The following CSMD1 variants were observed in gnomAD, a reference collection of about 807,000 sequenced individuals.
CSMD1 encodes the protein CUB and Sushi multiple domains 1.
CSMD1 carries 213 observed loss-of-function variants against 417.5 expected under a neutral mutation model. That is an observed-to-expected ratio of 0.51 (90% confidence interval 0.46 to 0.57). CSMD1 has a LOEUF of 0.57. Among genes scored for constraint, CSMD1 ranks in the 20% least tolerant of loss-of-function variants. CSMD1 has a pLI of 0.00. For missense variants in CSMD1, 6,923 were observed against 4,529.7 expected, an observed-to-expected ratio of 1.53 and a Z score of -15.17; for synonymous variants, 2,862 against 1,736.8, an observed-to-expected ratio of 1.65 and a Z score of -16.11.
intron 38 of CSMD1, among the ~76,000 whole-genome samples, chr8:3,158,477 C>A (rs1415163149): frequency 6.6e-6 from 1 of 152,122 alleles, no homozygotes; most frequent in East Asian, 1.9e-4. Flanking sequence ...TTCTTTATCA[C>A]AGAACGGAGA....
At chr8:4,066,834 C>G (rs1340897822) in intron 3 of CSMD1, among the ~76,000 whole-genome samples, 1 of 152,224 alleles carries the variant, frequency 6.6e-6, no homozygotes, top group African/African-American at 2.4e-5. Context: ...CACCCACTCA[C>G]AAACACACAC....
In CSMD1 at chr8:3,015,944, G is replaced by C. The variant is rs536759135; in HGVS notation, c.8029+2533C>G. On this transcript the variant is annotated intron_variant, in intron 52 of 69. Coordinates refer to ENST00000635120, the MANE Select transcript of CSMD1 (RefSeq NM_033225.6). ...CCTGCCCCTTGCATGCGCCTCCAGA[G>C]GGGACTAATCCAGGTTCCAGAGCTC... 2.0e-5 allele frequency among the ~76,000 whole-genome samples: 3 copies of C among 152,238 alleles called. No individual in the cohort carries two copies. The South Asian group carries it at 6.2e-4, about 32-fold the overall frequency.
intron 2 of CSMD1, among the ~76,000 whole-genome samples, chr8:4,558,752 C>T (rs1200419470): frequency 6.6e-6 from 1 of 152,148 alleles, no homozygotes; most frequent in Non-Finnish European, 1.5e-5. Context: ...CCTGTAATCC[C>T]AGCTACTCCG....
rs188103736 is a variant in CSMD1, at chr8:4,726,229, C to G, written c.86-88671G>C. On this transcript the variant is annotated intron_variant, in intron 1 of 69. Transcript: ENST00000635120. ...GTGGCTTCATCACCCATATTAGGGT[C>G]AGAAAAACTCTTGTGTGTTTCTACA... Among the ~76,000 whole-genome samples the G allele has an allele frequency of 6.4e-3, 968 of 151,984 alleles. 12 individuals carry two copies. Among genetic ancestry groups the G allele is most frequent in the African/African-American group, 0.022 (904 of 41,450 alleles).
At chr8:3,710,661 G>C (rs1160014733) in intron 6 of CSMD1, among the ~76,000 whole-genome samples, 1 of 152,076 alleles carries the variant, frequency 6.6e-6, no homozygotes, top group African/African-American at 2.4e-5. Flanking sequence ...CTACCCCTCA[G>C]AGTCCCTGAA....
At chr8:4,978,403 T>G (rs1810689008) in intron 1 of CSMD1, among the ~76,000 whole-genome samples, 1 of 152,142 alleles carries the variant, frequency 6.6e-6, no homozygotes, top group East Asian at 1.9e-4. Flanking sequence ...CCTCTATGTT[T>G]AGTTTGGGTG....
intron 49 of CSMD1, among the ~76,000 whole-genome samples, chr8:3,067,119 G>T (rs1205213804): frequency 6.6e-6 from 1 of 152,116 alleles, no homozygotes; most frequent in African/African-American, 2.4e-5. Flanking sequence ...TCAGTCTACG[G>T]AATGAATGGA....
rs1174092067 is a variant in CSMD1 at position 4,236,051 on chromosome 8, T to C, written c.415+183902A>G. 1.1e-4 allele frequency among the ~76,000 whole-genome samples: 5 copies of C among 44,336 alleles called. 1 individual carries two copies. Among genetic ancestry groups the C allele is most frequent in the Admixed American group, 5.2e-4 (3 of 5,780 alleles). The allele number at this position is 44,336 out of a possible 152,430, so 29.1% of individuals were successfully genotyped here. On this transcript the variant is annotated intron_variant, in intron 3 of 69. Transcript: ENST00000635120. Reference sequence around the variant, plus strand: ...GTTTTTTTTGTTTGTTTTTTTTTTTTTTTTTTTTTTTTTTTTTTGTAATTT... The same window carrying C: ...GTTTTTTTTGTTTGTTTTTTTTTTTCTTTTTTTTTTTTTTTTTTGTAATTT...
chr8:3,289,234 C>G lies in CSMD1; in HGVS notation c.3951-4888G>C, dbSNP rs186754987. On this transcript the variant is annotated intron_variant, in intron 25 of 69. Coordinates refer to ENST00000635120, the MANE Select transcript of CSMD1 (RefSeq NM_033225.6). Reference sequence around the variant, plus strand: ...CTTAATCCAGTCTATCGTTGTTGGACATTTAGGTTGGTTCCACGTCTTTGC... The same window carrying G: ...CTTAATCCAGTCTATCGTTGTTGGAGATTTAGGTTGGTTCCACGTCTTTGC... Among the ~76,000 whole-genome samples, 232 of 147,346 alleles carry G rather than the reference C, an allele frequency of 1.6e-3. 8 individuals carry two copies. The highest frequency in any genetic ancestry group is 3.4e-3 in the Middle Eastern group (1 of 294).
Position 4,409,634 on chromosome 8 carries a change from CT to C in CSMD1, c.415+10318del, listed in dbSNP as rs201131346. 1.1e-3 allele frequency among the ~76,000 whole-genome samples: 86 copies of C among 80,400 alleles called. 1 individual carries two copies. In the East Asian group the frequency reaches 0.012, roughly 11 times the overall value. 52.7% of individuals were successfully genotyped at this position (80,400 alleles called of 152,430 possible). Reference sequence around the variant, plus strand: ...AGAGTATAGATTCATCATTATTTGACTTTTTTTCTTTTTTTTTTTTTTTTTT... The same window carrying C: ...AGAGTATAGATTCATCATTATTTGACTTTTTTCTTTTTTTTTTTTTTTTTT... On this transcript the variant is annotated intron_variant, in intron 3 of 69. Transcript: ENST00000635120.
At chr8:4,139,725 C>G (rs1016046033) in intron 3 of CSMD1, among the ~76,000 whole-genome samples, 4 of 151,086 alleles carry the variant, frequency 2.6e-5, no homozygotes. Context: ...CCGAGTGATG[C>G]TTGAGTAGAT....
chr8:4,670,949 TCA>T (rs1805281252), intron 1 of CSMD1, among the ~76,000 whole-genome samples: 1 of 152,172 alleles, frequency 6.6e-6, no homozygotes, highest in Admixed American at 6.5e-5. Context: ...TAACAAACAG[TCA>T]TATGACATCC....
chr8:4,838,602 T>C (rs1024684422), intron 1 of CSMD1, among the ~76,000 whole-genome samples: 4 of 152,242 alleles, frequency 2.6e-5, no homozygotes, highest in African/African-American at 4.8e-5. Context: ...AATCAGTTTG[T>C]GCTTTGGCAG....
chr8:3,316,398 T>G (rs1199266051), intron 23 of CSMD1, among the ~76,000 whole-genome samples: 1 of 152,204 alleles, frequency 6.6e-6, no homozygotes, highest in Non-Finnish European at 1.5e-5. Flanking sequence ...GGCTCCTATC[T>G]TCCCCTGTCT....
intron 50 of CSMD1, among the ~76,000 whole-genome samples, chr8:3,041,365 C>A (rs563308751): frequency 1.3e-5 from 2 of 152,060 alleles, no homozygotes; most frequent in Admixed American, 6.6e-5. Flanking sequence ...ATTACTTGTT[C>A]TCTGATCCCA....
At chr8:4,010,134 C>T (rs376415339) in intron 4 of CSMD1, among the ~76,000 whole-genome samples, 4 of 152,154 alleles carry the variant, frequency 2.6e-5, no homozygotes, top group African/African-American at 9.7e-5. Context: ...ACCTGAATGT[C>T]TTCTCTGAAG....
At chr8:4,188,885 G>A (rs1240987408) in intron 3 of CSMD1, among the ~76,000 whole-genome samples, 1 of 151,988 alleles carries the variant, frequency 6.6e-6, no homozygotes, top group Non-Finnish European at 1.5e-5. Flanking sequence ...CTATGGATCT[G>A]CCTGATGAAA....
chr8:4,309,867 C>A (rs1343423592), intron 3 of CSMD1, among the ~76,000 whole-genome samples: 1 of 152,154 alleles, frequency 6.6e-6, no homozygotes, highest in Non-Finnish European at 1.5e-5. Context: ...AGACACTGAG[C>A]ATCACTTCAG....
Position 4,419,962 on chromosome 8 carries a change from A to G in CSMD1, c.406T>C (p.Leu136=), listed in dbSNP as rs1270545528. ...FAVSAQGFKA[L]YEVLPSHTCG... is the part of the protein sequence containing the mutation. The stretch of plus-strand genomic sequence containing the variant: ...ACAACCAATCTCCTACCTTCATATA[A>G]TGCTTTGAAACCTTGGGCACTCACA... The change falls in exon 3 of 70, where the codon TTA becomes CTA. Residue 136 remains leucine, a synonymous_variant. Coordinates refer to ENST00000635120, the MANE Select transcript of CSMD1 (RefSeq NM_033225.6). 6.4e-7 allele frequency: 1 copy of G among 1,573,646 alleles called. No individual in the cohort carries two copies. Among genetic ancestry groups the G allele is most frequent in the Non-Finnish European group, 8.6e-7 (1 of 1,156,830 alleles).
Sources: allele counts gnomAD v4.1 joint callset (sites outside exome capture counted in the v4.1 genomes callset), GRCh38; gene constraint gnomAD v4.1.1; transcripts MANE v1.5; gene names NCBI Gene and HGNC (gene_info 2026-07-23, HGNC 2026-07-21).